ZFHX3: variants seen among roughly 807,000 people sequenced by gnomAD.
The protein encoded by ZFHX3 is zinc finger homeobox 3, also known as zinc finger homeobox protein 3.
ZFHX3 carries 42 observed loss-of-function variants against 279.1 expected under a neutral mutation model. That is an observed-to-expected ratio of 0.15 (90% CI 0.12 to 0.19). The LOEUF (loss-of-function observed/expected upper bound fraction) is 0.19. Ranked by LOEUF, ZFHX3 falls within the 10% of genes least tolerant of loss-of-function variation. ZFHX3 has a pLI of 1.00. For synonymous variants in ZFHX3, 2,293 were observed against 1,957.8 expected (o/e 1.17, Z -4.52); for missense variants, 4,981 against 4,754.0 (o/e 1.05, Z -1.40).
At chr16:73,659,001 G>C (rs1234515627) in intron 2 of ZFHX3, among the ~76,000 whole-genome samples, 1 of 151,956 alleles carries the variant, frequency 6.6e-6, no homozygotes, top group African/African-American at 2.4e-5. Context: ...AAAGAGAAAC[G>C]GAAAAATTAA....
At chr16:73,418,417 A>G (rs1299724720) in intron 3 of ZFHX3, among the ~76,000 whole-genome samples, 1 of 152,208 alleles carries the variant, frequency 6.6e-6, no homozygotes, top group Admixed American at 6.5e-5. Context: ...AGAAGTGGGT[A>G]CCCAGGGAAG....
At chr16:73,449,115 G>C (rs2018241380) in intron 3 of ZFHX3, among the ~76,000 whole-genome samples, 1 of 152,142 alleles carries the variant, frequency 6.6e-6, no homozygotes, top group African/African-American at 2.4e-5. Context: ...TATAACAACT[G>C]TGCAGTTAAA....
chr16:73,677,450 T>A (rs751273203), intron 2 of ZFHX3, among the ~76,000 whole-genome samples: 5 of 151,642 alleles, frequency 3.3e-5, no homozygotes, highest in Non-Finnish European at 7.4e-5. Flanking sequence ...CAACAAAAAA[T>A]GAATTAACTA....
At chr16:73,108,550 G>A (rs1294719143) in intron 7 of ZFHX3, among the ~76,000 whole-genome samples, 1 of 151,974 alleles carries the variant, frequency 6.6e-6, no homozygotes, top group African/African-American at 2.4e-5. Context: ...ATTACACCCA[G>A]TGGATGTATG....
chr16:73,388,576 T>C (rs1464133700), intron 3 of ZFHX3, among the ~76,000 whole-genome samples: 2 of 152,188 alleles, frequency 1.3e-5, no homozygotes, highest in East Asian at 3.9e-4. Context: ...CATGGAGGGC[T>C]ATCCCTAAGC....
rs1329643880 is a variant in ZFHX3, at chr16:72,798,718, T to C, written c.3968-4A>G. On this transcript the variant is annotated splice_polypyrimidine_tract_variant and splice_region_variant and intron_variant, in intron 8 of 9. Transcript: ENST00000268489. Reference sequence around the variant, plus strand: ...TTTCCCAGATCCTCTGAGGTTTCTGTTAAAAAAAAAAAAAAAATCAAACCC... The same window carrying C: ...TTTCCCAGATCCTCTGAGGTTTCTGCTAAAAAAAAAAAAAAAATCAAACCC... 5.4e-6 allele frequency: 8 copies of C among 1,488,006 alleles called. No individual in the cohort carries two copies. In the East Asian group the frequency reaches 2.0e-4, roughly 37 times the overall value. 92.2% of individuals were successfully genotyped at this position (1,488,006 alleles called of 1,614,324 possible).
At chr16:73,400,327 A>G (rs181061087) in intron 3 of ZFHX3, 6 of 152,354 alleles carry the variant, frequency 3.9e-5, no homozygotes. Flanking sequence ...GTATGTGTGT[A>G]CATGAGCTAT....
At chr16:73,653,049 C>T (rs937516915) in intron 2 of ZFHX3, among the ~76,000 whole-genome samples, 1 of 151,986 alleles carries the variant, frequency 6.6e-6, no homozygotes, top group Non-Finnish European at 1.5e-5. Context: ...AGAACGTGAA[C>T]ATATCAACCA....
chr16:73,406,986 G>A (rs560544575), intron 3 of ZFHX3, among the ~76,000 whole-genome samples: 1 of 152,286 alleles, frequency 6.6e-6, no homozygotes, highest in East Asian at 1.9e-4. Flanking sequence ...CAAGGTTTTG[G>A]TGATGCCCTC....
chr16:72,893,006 C>G (rs972918047), intron 3 of ZFHX3, among the ~76,000 whole-genome samples: 2 of 152,124 alleles, frequency 1.3e-5, no homozygotes, highest in Non-Finnish European at 2.9e-5. Context: ...CGAGGCCCCT[C>G]AGAACTCAGA....
chr16:73,521,420 A>G (rs1289195571), intron 2 of ZFHX3, among the ~76,000 whole-genome samples: 1 of 152,218 alleles, frequency 6.6e-6, no homozygotes, highest in Non-Finnish European at 1.5e-5. Flanking sequence ...TCACTGTGCC[A>G]CTAACTCTGA....
chr16:73,550,631 A>T (rs1517176), intron 2 of ZFHX3, among the ~76,000 whole-genome samples: 1 of 152,206 alleles, frequency 6.6e-6, no homozygotes, highest in African/African-American at 2.4e-5. Flanking sequence ...GTCTGGCTCT[A>T]CCATTTTGTA....
chr16:73,286,339 C>T (rs1436379481), intron 4 of ZFHX3, among the ~76,000 whole-genome samples: 2 of 152,220 alleles, frequency 1.3e-5, no homozygotes, highest in African/African-American at 4.8e-5. Flanking sequence ...TTGTGAAAAG[C>T]AACAATTCAG....
chr16:72,996,425 AACCAGTGTGCCCAGAGCCAGAGC>A (rs1185248274), intron 1 of ZFHX3, among the ~76,000 whole-genome samples: 1 of 152,212 alleles, frequency 6.6e-6, no homozygotes, highest in East Asian at 1.9e-4. Context: ...ATCTTCTGTA[AACCAGTGTGCCCAGAGCCAGAGC>A]ACCAAGCAGC....
intron 7 of ZFHX3, among the ~76,000 whole-genome samples, chr16:73,103,393 C>T (rs1462505000): frequency 3.9e-5 from 6 of 152,128 alleles, no homozygotes; most frequent in East Asian, 3.9e-4. Context: ...AAGTCCTGTG[C>T]GCTCACACCT....
In ZFHX3 at chr16:73,186,710, C is replaced by A. The variant is rs184647332; in HGVS notation, c.-1103-42879G>T. 4.1e-3 allele frequency among the ~76,000 whole-genome samples: 618 copies of A among 152,028 alleles called. 5 individuals are homozygous for A. Among genetic ancestry groups the A allele is most frequent in the Non-Finnish European group, 4.9e-3 (336 of 68,012 alleles). ...ATATTTAAAAACACCAGCCATTTCTCCTAACGATAAAGTTGTTACACAAGT... is the reference window on the plus strand; with the variant it reads ...ATATTTAAAAACACCAGCCATTTCTACTAACGATAAAGTTGTTACACAAGT... On this transcript the variant is annotated intron_variant, in intron 5 of 17. Coordinates refer to the ZFHX3 transcript ENST00000641206.
At chr16:73,339,923 G>A (rs751393573) in intron 3 of ZFHX3, among the ~76,000 whole-genome samples, 3 of 152,162 alleles carry the variant, frequency 2.0e-5, no homozygotes, top group Non-Finnish European at 2.9e-5. Context: ...AGCAGTGCTC[G>A]ACAAACCCAG....
chr16:73,478,205 G>T (rs2018796993), intron 2 of ZFHX3, among the ~76,000 whole-genome samples: 2 of 149,786 alleles, frequency 1.3e-5, no homozygotes, highest in Admixed American at 1.3e-4. Flanking sequence ...GGCGGAGGTG[G>T]CAGTGAGCCG....
chr16:73,153,804 T>C (rs1967008853), intron 5 of ZFHX3, among the ~76,000 whole-genome samples: 1 of 152,016 alleles, frequency 6.6e-6, no homozygotes, highest in Non-Finnish European at 1.5e-5. Flanking sequence ...CGCACACCAC[T>C]ACACCCAGCT....
Sources: gnomAD v4.1 joint callset for allele counts (sites outside exome capture counted in the v4.1 genomes callset) on GRCh38, gnomAD v4.1.1 for gene constraint, MANE v1.5 for transcripts, NCBI Gene and HGNC (gene_info 2026-07-23, HGNC 2026-07-21) for gene names.